The following PRKG1 variants were observed in gnomAD, a reference collection of about 807,000 sequenced individuals.
PRKG1 encodes the protein protein kinase cGMP-dependent 1.
Under a neutral mutation model 88.1 loss-of-function variants are expected in PRKG1, and 35 were observed. The ratio of observed to expected loss-of-function variants is 0.40; its 90% CI spans 0.30 to 0.53. The LOEUF is 0.53. PRKG1 is among the 20% of genes least tolerant of loss of function. The pLI, the probability that PRKG1 is intolerant of heterozygous loss-of-function variation, is 0.59. For synonymous variants in PRKG1, 303 were observed against 292.5 expected, an observed-to-expected ratio of 1.04 and a Z score of -0.37; for missense variants, 540 against 839.8, an observed-to-expected ratio of 0.64 and a Z score of 4.41.
At chr10:51,468,473 T>C (rs1298884488) in intron 3 of PRKG1, among the ~76,000 whole-genome samples, 1 of 151,906 alleles carries the variant, frequency 6.6e-6, no homozygotes, top group Non-Finnish European at 1.5e-5. Context: ...CTAGCAACTT[T>C]TATTGCTTGG....
At chr10:51,226,239 A>G (rs1358910146) in intron 2 of PRKG1, among the ~76,000 whole-genome samples, 2 of 152,204 alleles carry the variant, frequency 1.3e-5, no homozygotes, top group East Asian at 1.9e-4. Flanking sequence ...ATGATTCTGC[A>G]TAATGTGGGG....
intron 4 of PRKG1, among the ~76,000 whole-genome samples, chr10:51,848,782 C>T (rs187174800): frequency 6.3e-4 from 95 of 151,788 alleles, no homozygotes; most frequent in Non-Finnish European, 1.1e-3. Context: ...GCTGGGATTA[C>T]AGGTACAAGC....
At chr10:51,278,252 A>G (rs1427119673) in intron 2 of PRKG1, among the ~76,000 whole-genome samples, 1 of 152,192 alleles carries the variant, frequency 6.6e-6, no homozygotes, top group Non-Finnish European at 1.5e-5. Context: ...ATGTTGGATT[A>G]CGTTTATCGA....
chr10:51,849,672 C>T (rs917853986), intron 4 of PRKG1, among the ~76,000 whole-genome samples: 1 of 152,070 alleles, frequency 6.6e-6, no homozygotes, highest in African/African-American at 2.4e-5. Context: ...TAATAATCAC[C>T]AAATTCTCTT....
intron 4 of PRKG1, among the ~76,000 whole-genome samples, chr10:51,816,919 A>T (rs1364014507): frequency 6.6e-6 from 1 of 152,218 alleles, no homozygotes; most frequent in South Asian, 2.1e-4. Context: ...GCAAATGAAG[A>T]TAAATCAAAG....
chr10:51,660,502 A>G (rs1026577986), intron 3 of PRKG1, among the ~76,000 whole-genome samples: 4 of 152,108 alleles, frequency 2.6e-5, no homozygotes, highest in Non-Finnish European at 4.4e-5. Context: ...GAAATAGGAC[A>G]GCATCCTAGC....
At chr10:51,564,668 A>G (rs1187165698) in intron 3 of PRKG1, among the ~76,000 whole-genome samples, 1 of 152,114 alleles carries the variant, frequency 6.6e-6, no homozygotes, top group African/African-American at 2.4e-5. Context: ...TAATTCAATG[A>G]CATTCTTTCT....
intron 2 of PRKG1, among the ~76,000 whole-genome samples, chr10:51,354,508 AT>A (rs1842323061): frequency 6.6e-6 from 1 of 152,144 alleles, no homozygotes; most frequent in Non-Finnish European, 1.5e-5. Context: ...ATAAATTGAG[AT>A]TTAAAATATC....
chr10:51,679,360 T>A (rs1589190232), intron 3 of PRKG1, among the ~76,000 whole-genome samples: 2 of 152,050 alleles, frequency 1.3e-5, no homozygotes, highest in South Asian at 4.1e-4. Flanking sequence ...ATGGCTGGAG[T>A]TGCTGAATGT....
At chr10:52,181,626 T>G (rs1311534113) in intron 9 of PRKG1, among the ~76,000 whole-genome samples, 1 of 83,002 alleles carries the variant, frequency 1.2e-5, no homozygotes, top group African/African-American at 4.7e-5. Flanking sequence ...ATATTCCCCT[T>G]CCTGTGTCCA....
chr10:51,915,244 A>C (rs535153596), intron 5 of PRKG1, among the ~76,000 whole-genome samples: 2 of 152,316 alleles, frequency 1.3e-5, no homozygotes, highest in South Asian at 2.1e-4. Context: ...TATCATTCTA[A>C]ATAGGCCTAG....
At chr10:52,080,916 G>A (rs149665022) in intron 7 of PRKG1, among the ~76,000 whole-genome samples, 1 of 151,842 alleles carries the variant, frequency 6.6e-6, no homozygotes, top group African/African-American at 2.4e-5. Context: ...TTGATTCCCT[G>A]GCCTCAATTA....
At chr10:51,391,130 G>C (rs950489697) in intron 2 of PRKG1, among the ~76,000 whole-genome samples, 1 of 152,126 alleles carries the variant, frequency 6.6e-6, no homozygotes, top group Non-Finnish European at 1.5e-5. Context: ...CTAGAACCTA[G>C]TTTCTTCATC....
At chr10:52,207,595 A>C (rs944315751) in intron 9 of PRKG1, among the ~76,000 whole-genome samples, 12 of 152,204 alleles carry the variant, frequency 7.9e-5, no homozygotes, top group African/African-American at 2.4e-4. Flanking sequence ...CAAACCTTGA[A>C]GCTCCACATA....
chr10:51,311,745 A>G (rs1490808986), intron 2 of PRKG1, among the ~76,000 whole-genome samples: 3 of 152,202 alleles, frequency 2.0e-5, no homozygotes, highest in Admixed American at 2.0e-4. Context: ...ATGTCATTAG[A>G]CAAGGAGAAG....
intron 3 of PRKG1, among the ~76,000 whole-genome samples, chr10:51,537,265 G>A (rs746078024): frequency 6.6e-6 from 1 of 152,118 alleles, no homozygotes; most frequent in Non-Finnish European, 1.5e-5. Flanking sequence ...GTCTTGCATA[G>A]CATCTAATAG....
At chr10:51,680,860 C>T (rs922159222) in intron 3 of PRKG1, among the ~76,000 whole-genome samples, 15 of 152,156 alleles carry the variant, frequency 9.9e-5, no homozygotes, top group African/African-American at 3.4e-4. Flanking sequence ...TTGCTTGTAA[C>T]ATGGTGGCAT....
At chr10:51,166,948 C>A (rs868070847) in intron 2 of PRKG1, among the ~76,000 whole-genome samples, 114 of 152,168 alleles carry the variant, frequency 7.5e-4, no homozygotes, top group African/African-American at 2.4e-3. Flanking sequence ...CTTTATTCTC[C>A]TTTATTATAA....
intron 5 of PRKG1, among the ~76,000 whole-genome samples, chr10:51,970,821 A>G (rs891383141): frequency 2.8e-5 from 4 of 143,570 alleles, no homozygotes; most frequent in South Asian, 2.2e-4. Flanking sequence ...ATGTGTATAT[A>G]TATATATGTG....
Sources: allele counts gnomAD v4.1 joint callset (sites outside exome capture counted in the v4.1 genomes callset), GRCh38; gene constraint gnomAD v4.1.1; transcripts MANE v1.5; gene names NCBI Gene and HGNC (gene_info 2026-07-23, HGNC 2026-07-21).